Variants in PRR11 observed in about 807,000 individuals in gnomAD.
PRR11 encodes proline-rich protein 11.
Under a neutral mutation model 45.6 loss-of-function variants are expected in PRR11, and 30 were observed. The observed-to-expected ratio is 0.66, with a 90% confidence interval of 0.49 to 0.89. The LOEUF (loss-of-function observed/expected upper bound fraction) is 0.89. PRR11 is among the 40% of genes least tolerant of loss of function. The pLI is 0.00. For missense variants in PRR11, 373 were observed against 424.8 expected (o/e 0.88, Z 1.07); for synonymous variants, 128 against 153.5 (o/e 0.83, Z 1.23).
intron 2 of PRR11, among the ~76,000 whole-genome samples, chr17:59,184,088 C>A (rs188629253): frequency 1.3e-5 from 2 of 152,116 alleles, no homozygotes; most frequent in African/African-American, 4.8e-5. Flanking sequence ...CTAGGCAACA[C>A]AGCAAGACGT....
chr17:59,167,841 C>G (rs1483630702), intron 1 of PRR11, among the ~76,000 whole-genome samples: 1 of 152,148 alleles, frequency 6.6e-6, no homozygotes, highest in East Asian at 1.9e-4. Flanking sequence ...TCATTGCTCT[C>G]TTGGTTTTGG....
intron 2 of PRR11, chr17:59,177,303 AGGAAGATC>A: frequency 1.8e-5 from 10 of 542,996 alleles, no homozygotes; most frequent in South Asian, 1.4e-4. Flanking sequence ...ATCTTGGGAG[AGGAAGATC>A]GTGGAGACAG....
At chr17:59,185,011 G>T in intron 2 of PRR11, 43 bp from the exon 3 acceptor site, 1 of 1,586,636 alleles carries the variant, frequency 6.3e-7, no homozygotes, top group South Asian at 1.1e-5. Context: ...CTATTATTCT[G>T]ACTTAGGGGT....
intron 2 of PRR11, among the ~76,000 whole-genome samples, chr17:59,173,422 C>T (rs558715870): frequency 2.5e-4 from 38 of 152,290 alleles, no homozygotes; most frequent in East Asian, 9.7e-4. Flanking sequence ...TCTTTGGGTC[C>T]GCACTGCCTT....
chr17:59,159,800 C>A (rs974504838), intron 1 of PRR11, among the ~76,000 whole-genome samples: 1 of 152,190 alleles, frequency 6.6e-6, no homozygotes, highest in Non-Finnish European at 1.5e-5. Flanking sequence ...CTTAACCTAG[C>A]CCCTTCATCA....
At position 59,197,762 on chromosome 17, in the gene PRR11, G is replaced by T. The variant is rs757630031; in HGVS notation, c.987G>T (p.Met329Ile). 6.2e-7 allele frequency: 1 copy of T among 1,613,832 alleles called. No homozygotes were observed. The highest frequency in any genetic ancestry group is 8.5e-7 in the Non-Finnish European group (1 of 1,179,948). ...METGTGLTPV[M>I]TQALRRKFQL... is the part of the protein sequence containing the mutation. ...CAGGAACAGGACTGACTCCAGTGATGACGCAGGCCTTAAGGAGAAAGTTTC... is the reference window on the plus strand; with the variant it reads ...CAGGAACAGGACTGACTCCAGTGATTACGCAGGCCTTAAGGAGAAAGTTTC... Residue 329 changes from methionine to isoleucine, a missense_variant, in exon 9 of 10, where the codon ATG (methionine) becomes ATT (isoleucine). Met to Ile is a conservative substitution (Grantham distance 10, BLOSUM62 1). Transcript: ENST00000262293.
chr17:59,193,786 A>G, intron 5 of PRR11, 52 bp downstream of exon 5: 2 of 1,572,858 alleles, frequency 1.3e-6, no homozygotes, highest in Non-Finnish European at 1.7e-6. Context: ...GTGAGTGTGT[A>G]ATATAGGAGT....
Position 59,203,157 on chromosome 17 carries a change from A to G in PRR11, c.*1526A>G, listed in dbSNP as rs1168954558. Among the ~76,000 whole-genome samples the G allele has an allele frequency of 1.3e-5, 2 of 152,204 alleles. No individual in the cohort carries two copies. Among genetic ancestry groups the G allele is most frequent in the African/African-American group, 4.8e-5 (2 of 41,466 alleles). On this transcript the variant is annotated 3_prime_UTR_variant, in exon 10 of 10. Coordinates refer to ENST00000262293, the MANE Select transcript of PRR11 (RefSeq NM_018304.4). ...GAAAGCAGACCTGGGGACAGTGTTT[A>G]CCACCTAAGAGGCAGTCCTGTTTTT... is the stretch of plus-strand genomic sequence containing the variant.
intron 2 of PRR11, among the ~76,000 whole-genome samples, chr17:59,178,225 T>C (rs2046759833): frequency 1.3e-5 from 2 of 152,154 alleles, no homozygotes; most frequent in South Asian, 4.1e-4. Flanking sequence ...TCCCAGCTGC[T>C]TGGGAGGCTG....
intron 2 of PRR11, among the ~76,000 whole-genome samples, chr17:59,180,662 C>T (rs771861768): frequency 6.6e-6 from 1 of 151,432 alleles, no homozygotes; most frequent in Non-Finnish European, 1.5e-5. Context: ...TGCGCCACCA[C>T]ACCCGGCTAA....
intron 4 of PRR11, 130 bp from the exon 5 acceptor site, chr17:59,193,362 G>C: frequency 8.6e-7 from 1 of 1,165,194 alleles, no homozygotes. Context: ...TTATAAATGA[G>C]AAAATATCAG....
intron 2 of PRR11, among the ~76,000 whole-genome samples, chr17:59,174,174 G>C (rs1405908490): frequency 2.0e-5 from 3 of 146,784 alleles, no homozygotes; most frequent in Admixed American, 2.0e-4. Flanking sequence ...AAGGACTTTG[G>C]GTGGGTCTGC....
At chr17:59,178,703 C>T (rs145306726) in intron 2 of PRR11, among the ~76,000 whole-genome samples, 10 of 152,240 alleles carry the variant, frequency 6.6e-5, no homozygotes, top group Non-Finnish European at 1.2e-4. Context: ...GAGAGGCTCC[C>T]GCTCTGAGAC....
intron 1 of PRR11, among the ~76,000 whole-genome samples, chr17:59,161,964 T>C (rs920333005): frequency 6.6e-6 from 1 of 152,204 alleles, no homozygotes; most frequent in African/African-American, 2.4e-5. Context: ...ATGCTTTTAA[T>C]TAAGTAATGA....
intron 1 of PRR11, among the ~76,000 whole-genome samples, chr17:59,169,220 TCCCC>T (rs2046694950): frequency 6.9e-6 from 1 of 145,634 alleles, no homozygotes; most frequent in Non-Finnish European, 1.5e-5. Context: ...TACCTCAGCC[TCCCC>T]AATAGCTGGG....
At chr17:59,173,243 A>G (rs1457593434) in intron 2 of PRR11, among the ~76,000 whole-genome samples, 1 of 151,880 alleles carries the variant, frequency 6.6e-6, no homozygotes, top group African/African-American at 2.4e-5. Context: ...TCTCTGTAAA[A>G]CAGACCAATC....
intron 2 of PRR11, among the ~76,000 whole-genome samples, chr17:59,178,102 G>A (rs2046758827): frequency 6.6e-6 from 1 of 152,020 alleles, no homozygotes; most frequent in African/African-American, 2.4e-5. Context: ...GGGAGGCCAA[G>A]GCAAGCGGAA....
chr17:59,200,969 C>A (rs1008289191), intron 9 of PRR11, among the ~76,000 whole-genome samples: 18 of 151,398 alleles, frequency 1.2e-4, no homozygotes, highest in Non-Finnish European at 2.2e-4. Flanking sequence ...TATTTCAATA[C>A]GTTTTTGGGG....
Position 59,201,585 on chromosome 17 carries a change from C to T in PRR11, c.1037C>T (p.Thr346Ile). 2 of 1,612,958 alleles carry T rather than the reference C, an allele frequency of 1.2e-6. No individual in the cohort carries two copies. Among genetic ancestry groups the T allele is most frequent in the Non-Finnish European group, 1.7e-6 (2 of 1,179,976 alleles). The change falls in exon 10 of 10, where the codon ACT (threonine) becomes ATT (isoleucine). Residue 346 changes from threonine to isoleucine, a missense_variant. Transcript: ENST00000262293. ...KFQLAHPRSP[T>I]PTLPLSTSSF... ...TAGCTGGCTCACCCTAGAAGCCCAACTCCAACTCTGCCACTTTCTACAAGC... is the reference window on the plus strand; with the variant it reads ...TAGCTGGCTCACCCTAGAAGCCCAATTCCAACTCTGCCACTTTCTACAAGC...
Sources: allele counts gnomAD v4.1 joint callset (sites outside exome capture counted in the v4.1 genomes callset), GRCh38; gene constraint gnomAD v4.1.1; transcripts MANE v1.5; gene names NCBI Gene and HGNC (gene_info 2026-07-23, HGNC 2026-07-21).